Variants in KCNB2 observed in about 807,000 individuals in gnomAD.
KCNB2 encodes the protein potassium voltage-gated channel subfamily B member 2, also known as delayed rectifier potassium channel protein.
KCNB2 carries 15 observed loss-of-function variants against 61.5 expected under a neutral mutation model. The ratio of observed to expected loss-of-function variants is 0.24; its 90% CI spans 0.16 to 0.38. The LOEUF is 0.38. Among genes scored for constraint, KCNB2 ranks in the 10% least tolerant of loss-of-function variants. The pLI, the probability that KCNB2 is intolerant of heterozygous loss-of-function variation, is 1.00. For synonymous variants in KCNB2, 457 were observed against 446.0 expected, an observed-to-expected ratio of 1.02 and a Z score of -0.31; for missense variants, 828 against 1,125.2, an observed-to-expected ratio of 0.74 and a Z score of 3.78.
intron 2 of KCNB2, among the ~76,000 whole-genome samples, chr8:72,605,847 A>C (rs1263605614): frequency 1.3e-5 from 2 of 152,162 alleles, no homozygotes; most frequent in Non-Finnish European, 2.9e-5. Context: ...AAAATCATAC[A>C]CTTTTTAGGC....
chr8:72,927,650 G>A (rs150581957), intron 2 of KCNB2, among the ~76,000 whole-genome samples: 106 of 152,294 alleles, frequency 7.0e-4, no homozygotes, highest in African/African-American at 2.4e-3. Context: ...CTCGCAATTG[G>A]TTGTGCAAGT....
At chr8:72,894,925 C>G (rs1805965675) in intron 2 of KCNB2, among the ~76,000 whole-genome samples, 1 of 152,110 alleles carries the variant, frequency 6.6e-6, no homozygotes. Context: ...GTTAAGTAAT[C>G]AGGTGAGAAT....
Position 72,938,041 on chromosome 8 carries a change from T to G in KCNB2, c.2686T>G (p.Ser896Ala). 6.2e-7 allele frequency: 1 copy of G among 1,613,940 alleles called. No homozygotes were observed. The highest frequency in any genetic ancestry group is 8.5e-7 in the Non-Finnish European group (1 of 1,179,920). The stretch of plus-strand genomic sequence containing the variant: ...TCACTTGTTTGCCCCAGAAATTCAT[T>G]CCAACCCAGGAGACACAGGTTATTG... ...ENHLFAPEIH[S>A]NPGDTGYCPT... Residue 896 changes from serine (S) to alanine (A), a missense_variant, in exon 3 of 3, where the codon TCC becomes GCC. Ser to Ala is a moderately conservative substitution (Grantham distance 99). Coordinates refer to ENST00000523207, the MANE Select transcript of KCNB2 (RefSeq NM_004770.3).
At chr8:72,700,933 A>G (rs949281304) in intron 2 of KCNB2, among the ~76,000 whole-genome samples, 3 of 152,214 alleles carry the variant, frequency 2.0e-5, no homozygotes, top group East Asian at 1.9e-4. Flanking sequence ...CTTTGCAGCA[A>G]CATATAGGTA....
chr8:72,695,987 C>T (rs936723106), intron 2 of KCNB2, among the ~76,000 whole-genome samples: 1 of 152,148 alleles, frequency 6.6e-6, no homozygotes, highest in Non-Finnish European at 1.5e-5. Context: ...TCAGGGTCCT[C>T]GGCTGTAGCC....
In KCNB2 at chr8:72,819,453, G is replaced by T. The variant is rs368043976; in HGVS notation, c.580-116482G>T. On this transcript the variant is annotated intron_variant, in intron 2 of 2. Coordinates refer to ENST00000523207, the MANE Select transcript of KCNB2 (RefSeq NM_004770.3). ...AGACACTTGACAAGTTCTCATTAGTGTAGGCTCACCTTTGTTGTAGCAAGT... is the reference window on the plus strand; with the variant it reads ...AGACACTTGACAAGTTCTCATTAGTTTAGGCTCACCTTTGTTGTAGCAAGT... 1.4e-4 allele frequency among the ~76,000 whole-genome samples: 22 copies of T among 152,290 alleles called. No homozygotes were observed. The South Asian group carries it at 4.6e-3, about 32-fold the overall frequency.
At chr8:72,605,197 G>A (rs1050967656) in intron 2 of KCNB2, among the ~76,000 whole-genome samples, 5 of 152,236 alleles carry the variant, frequency 3.3e-5, no homozygotes, top group Non-Finnish European at 4.4e-5. Flanking sequence ...GAAATGCAAC[G>A]CCCCATTGCA....
chr8:72,564,738 G>A (rs1436749343), intron 1 of KCNB2, among the ~76,000 whole-genome samples: 3 of 152,100 alleles, frequency 2.0e-5, no homozygotes, highest in Non-Finnish European at 4.4e-5. Context: ...GTGGGTTGAG[G>A]GCTCAGTAGA....
intron 2 of KCNB2, among the ~76,000 whole-genome samples, chr8:72,606,583 G>T (rs961087671): frequency 3.3e-5 from 5 of 152,166 alleles, no homozygotes; most frequent in Admixed American, 2.6e-4. Context: ...ATTAGAGAGA[G>T]GTCCTCAGCT....
intron 2 of KCNB2, among the ~76,000 whole-genome samples, chr8:72,760,939 A>C (rs1808368509): frequency 6.6e-6 from 1 of 152,126 alleles, no homozygotes; most frequent in African/African-American, 2.4e-5. Context: ...TCCCTGCTGC[A>C]TGAAGCACCA....
intron 2 of KCNB2, among the ~76,000 whole-genome samples, chr8:72,891,145 G>C (rs577439697): frequency 6.6e-6 from 1 of 152,334 alleles, no homozygotes; most frequent in Admixed American, 6.5e-5. Context: ...TGGAACACCA[G>C]TTTTGTGTTT....
chr8:72,924,656 C>T (rs1219909654), intron 2 of KCNB2, among the ~76,000 whole-genome samples: 1 of 152,098 alleles, frequency 6.6e-6, no homozygotes, highest in Non-Finnish European at 1.5e-5. Flanking sequence ...AAAAAAAGGG[C>T]CTCTCTGCCC....
intron 2 of KCNB2, among the ~76,000 whole-genome samples, chr8:72,932,842 G>T (rs1259260634): frequency 1.3e-5 from 2 of 151,996 alleles, no homozygotes; most frequent in South Asian, 2.1e-4. Flanking sequence ...TATTTATTGT[G>T]TTAAAAAAAA....
chr8:72,758,213 G>A (rs564999615), intron 2 of KCNB2, among the ~76,000 whole-genome samples: 2 of 152,320 alleles, frequency 1.3e-5, no homozygotes, highest in East Asian at 3.9e-4. Context: ...GATTCGAAAA[G>A]GAAGTTGACC....
chr8:72,667,006 T>TGTGTGAGAGA (rs141712140), intron 2 of KCNB2, among the ~76,000 whole-genome samples: 24,043 of 147,578 alleles, frequency 0.16, 2,504 homozygotes, highest in African/African-American at 0.3. Context: ...TGTGTGTGTG[T>TGTGTGAGAGA]GAGAGAGAGA....
At chr8:72,633,804 A>T (rs1261187541) in intron 2 of KCNB2, among the ~76,000 whole-genome samples, 1 of 152,210 alleles carries the variant, frequency 6.6e-6, no homozygotes, top group Non-Finnish European at 1.5e-5. Context: ...TAGTTATTTC[A>T]TACAGCTGTG....
rs138541250 is a variant in KCNB2, at chr8:72,845,595, C to A, written c.580-90340C>A. ...GGAGATGGGCATTTTATCTATAAGT[C>A]CCCGACTGGGGCTGCTGCCTTTCTT... On this transcript the variant is annotated intron_variant, in intron 2 of 2. Coordinates refer to ENST00000523207, the MANE Select transcript of KCNB2 (RefSeq NM_004770.3). 3.6e-3 allele frequency among the ~76,000 whole-genome samples: 550 copies of A among 152,324 alleles called. 4 individuals carry two copies. The highest frequency in any genetic ancestry group is 0.011 in the African/African-American group (454 of 41,578).
intron 2 of KCNB2, among the ~76,000 whole-genome samples, chr8:72,773,151 G>T (rs1306048266): frequency 6.6e-6 from 1 of 152,096 alleles, no homozygotes; most frequent in Non-Finnish European, 1.5e-5. Flanking sequence ...TCTTGGCCCG[G>T]TCATGTTCTA....
At chr8:72,857,831 G>A (rs1303728456) in intron 2 of KCNB2, among the ~76,000 whole-genome samples, 2 of 152,070 alleles carry the variant, frequency 1.3e-5, no homozygotes, top group Admixed American at 6.5e-5. Context: ...TCATTCTCCC[G>A]ACAATGTATT....
Sources: allele counts gnomAD v4.1 joint callset (sites outside exome capture counted in the v4.1 genomes callset), GRCh38; gene constraint gnomAD v4.1.1; transcripts MANE v1.5; gene names NCBI Gene and HGNC (gene_info 2026-07-23, HGNC 2026-07-21).